SEMA5A: variants seen among roughly 807,000 people sequenced by gnomAD.
SEMA5A encodes semaphorin 5A, also known as semaphorin-5A.
A neutral mutation model predicts 135.5 loss-of-function variants in SEMA5A; 55 were observed. That is an observed-to-expected ratio of 0.41 (90% CI 0.33 to 0.51). The LOEUF (loss-of-function observed/expected upper bound fraction) is 0.51. SEMA5A is among the 20% of genes least tolerant of loss of function. SEMA5A has a pLI of 0.37. For missense variants in SEMA5A, 1,290 were observed against 1,419.9 expected (o/e 0.91, Z 1.47); for synonymous variants, 580 against 546.5 (o/e 1.06, Z -0.85).
intron 13 of SEMA5A, among the ~76,000 whole-genome samples, chr5:9,136,147 T>G (rs910176442): frequency 6.6e-6 from 1 of 152,188 alleles, no homozygotes; most frequent in African/African-American, 2.4e-5. Flanking sequence ...CAAAAGAAAT[T>G]TGTGGGTGTG....
At chr5:9,507,368 C>T (rs748222650) in intron 1 of SEMA5A, among the ~76,000 whole-genome samples, 12 of 152,142 alleles carry the variant, frequency 7.9e-5, no homozygotes, top group South Asian at 2.1e-4. Context: ...TACGACTTCC[C>T]GGTAACAGTT....
At chr5:9,350,200 T>A (rs533807566) in intron 3 of SEMA5A, among the ~76,000 whole-genome samples, 2 of 152,306 alleles carry the variant, frequency 1.3e-5, no homozygotes, top group South Asian at 4.1e-4. Context: ...AATCAGGCAC[T>A]GATTCCAACA....
intron 4 of SEMA5A, among the ~76,000 whole-genome samples, chr5:9,328,735 C>A (rs1269775031): frequency 6.6e-6 from 1 of 152,122 alleles, no homozygotes; most frequent in African/African-American, 2.4e-5. Context: ...GAGATCATAC[C>A]ATTGCACCAC....
intron 5 of SEMA5A, among the ~76,000 whole-genome samples, chr5:9,241,334 GTGAC>G (rs1480866792): frequency 1.3e-5 from 2 of 151,936 alleles, no homozygotes; most frequent in Non-Finnish European, 2.9e-5. Flanking sequence ...ACTCTTCTAT[GTGAC>G]TGACAGAAGG....
intron 3 of SEMA5A, among the ~76,000 whole-genome samples, chr5:9,376,964 A>G (rs1388320569): frequency 6.6e-6 from 1 of 152,194 alleles, no homozygotes; most frequent in Non-Finnish European, 1.5e-5. Flanking sequence ...ACTTGCAAAA[A>G]TATTACATAA....
chr5:9,222,827 A>T, intron 8 of SEMA5A, among the ~76,000 whole-genome samples: 1 of 152,242 alleles, frequency 6.6e-6, no homozygotes, highest in East Asian at 1.9e-4. Context: ...CCACCTGATC[A>T]GCTGGTGGTC....
At chr5:9,359,340 A>G (rs867824281) in intron 3 of SEMA5A, among the ~76,000 whole-genome samples, 32 of 152,220 alleles carry the variant, frequency 2.1e-4, no homozygotes, top group African/African-American at 7.7e-4. Context: ...TAAAGACTGA[A>G]TGGCATACTG....
chr5:9,515,399 T>C (rs1202441770), intron 1 of SEMA5A, among the ~76,000 whole-genome samples: 2 of 152,204 alleles, frequency 1.3e-5, no homozygotes, highest in African/African-American at 2.4e-5. Context: ...AACTTAAAAA[T>C]GCCTTTAAAA....
chr5:9,387,553 T>C (rs539851111), intron 2 of SEMA5A, among the ~76,000 whole-genome samples: 15 of 152,304 alleles, frequency 9.8e-5, no homozygotes, highest in Non-Finnish European at 2.2e-4. Context: ...GAGGTTCAAG[T>C]AGAGCGTTCA....
At chr5:9,307,548 T>C (rs1751928887) in intron 5 of SEMA5A, among the ~76,000 whole-genome samples, 1 of 152,158 alleles carries the variant, frequency 6.6e-6, no homozygotes. Flanking sequence ...TCTTAGGTAA[T>C]TGGGAGACAG....
intron 1 of SEMA5A, among the ~76,000 whole-genome samples, chr5:9,465,409 T>C (rs1759220747): frequency 6.6e-6 from 1 of 152,222 alleles, no homozygotes; most frequent in South Asian, 2.1e-4. Flanking sequence ...TAAAGACTTA[T>C]CGTGTGCCAA....
At chr5:9,388,850 G>A (rs1756017051) in intron 2 of SEMA5A, among the ~76,000 whole-genome samples, 1 of 150,888 alleles carries the variant, frequency 6.6e-6, no homozygotes, top group Non-Finnish European at 1.5e-5. Flanking sequence ...AGTGAGCTGA[G>A]ATCTCGCCAC....
In SEMA5A at chr5:9,041,560, A is replaced by T. The variant is rs142599281; in HGVS notation, c.*1337T>A. On this transcript the variant is annotated 3_prime_UTR_variant, in exon 23 of 23. Coordinates refer to ENST00000382496, the MANE Select transcript of SEMA5A (RefSeq NM_003966.3). ...TATCGATGATCAGTGAAGAGACCACAGGGATCCCAAAAACCCTTACTTCCA... is the reference window on the plus strand; with the variant it reads ...TATCGATGATCAGTGAAGAGACCACTGGGATCCCAAAAACCCTTACTTCCA... 70 of 152,362 alleles carry T rather than the reference A, an allele frequency of 4.6e-4. No homozygotes were observed. Among genetic ancestry groups the T allele is most frequent in the African/African-American group, 1.6e-3 (68 of 41,588 alleles). 9.4% of individuals were successfully genotyped at this position (152,362 alleles called of 1,614,324 possible). A position where few individuals can be genotyped will look rare whatever the true frequency, so the allele number is the denominator to read the frequency against.
rs772658212 is a variant in SEMA5A at position 9,044,440 on chromosome 5, G to C, written c.3038C>G (p.Pro1013Arg). The part of the protein sequence containing the change: ...ATVIHPVSPA[P>R]LNTSITNHIN... ...GTGGTTGGTTATGCTGGTATTAAGGGGGGCAGGTGAGACGGGGTGGATGAC... is the reference window on the plus strand; with the variant it reads ...GTGGTTGGTTATGCTGGTATTAAGGCGGGCAGGTGAGACGGGGTGGATGAC... Residue 1013 changes from proline (P) to arginine (R), a missense_variant, in exon 22 of 23, where the codon CCC becomes CGC. By Grantham distance (103) the Pro-to-Arg change is moderately radical. This residue lies in a region of SEMA5A where 1,029 missense variants were observed against 1,086.6 expected (regional missense o/e 0.95). Coordinates refer to ENST00000382496, the MANE Select transcript of SEMA5A (RefSeq NM_003966.3). The C allele has an allele frequency of 1.9e-6, 3 of 1,613,966 alleles. No homozygotes were observed. The highest frequency in any genetic ancestry group is 2.5e-6 in the Non-Finnish European group (3 of 1,179,992).
intron 13 of SEMA5A, among the ~76,000 whole-genome samples, chr5:9,127,188 G>C (rs1741162539): frequency 6.6e-6 from 1 of 152,212 alleles, no homozygotes; most frequent in Admixed American, 6.5e-5. Flanking sequence ...AATCAGTCAT[G>C]CTGGAATTCT....
chr5:9,349,511 T>A (rs1282444023), intron 3 of SEMA5A, among the ~76,000 whole-genome samples: 2 of 152,126 alleles, frequency 1.3e-5, no homozygotes, highest in African/African-American at 4.8e-5. Flanking sequence ...GGGAAAAGCA[T>A]AAAGATGATA....
At chr5:9,223,689 A>G (rs1368919698) in intron 8 of SEMA5A, among the ~76,000 whole-genome samples, 1 of 152,254 alleles carries the variant, frequency 6.6e-6, no homozygotes, top group Non-Finnish European at 1.5e-5. Context: ...TGTACAAACT[A>G]TCAAATAAAT....
At chr5:9,359,281 T>C (rs1251300883) in intron 3 of SEMA5A, among the ~76,000 whole-genome samples, 3 of 152,232 alleles carry the variant, frequency 2.0e-5, no homozygotes, top group Admixed American at 2.0e-4. Flanking sequence ...CCTTAGTTTT[T>C]TTCCTCAGCT....
intron 6 of SEMA5A, among the ~76,000 whole-genome samples, chr5:9,227,353 T>C (rs989313469): frequency 1.3e-5 from 2 of 152,098 alleles, no homozygotes; most frequent in Non-Finnish European, 2.9e-5. Flanking sequence ...GGACGGGTAT[T>C]AGGAAAATAA....
Sources: gnomAD v4.1 joint callset for allele counts (sites outside exome capture counted in the v4.1 genomes callset) on GRCh38, gnomAD v4.1.1 for gene constraint, gnomAD v4.1.1 regional missense constraint, MANE v1.5 for transcripts, NCBI Gene and HGNC (gene_info 2026-07-23, HGNC 2026-07-21) for gene names.